PGM2L1: variants seen among roughly 807,000 people sequenced by gnomAD.
The protein encoded by PGM2L1 is glucose 1,6-bisphosphate synthase.
Under a neutral mutation model 73.4 loss-of-function variants are expected in PGM2L1, and 35 were observed. The observed-to-expected ratio is 0.48, with a 90% CI of 0.36 to 0.63. The LOEUF is 0.63. Among genes scored for constraint, PGM2L1 ranks in the 30% least tolerant of loss-of-function variants. The pLI is 0.00. For missense variants in PGM2L1, 570 were observed against 742.0 expected, an observed-to-expected ratio of 0.77 and a Z score of 2.69; for synonymous variants, 225 against 253.8, an observed-to-expected ratio of 0.89 and a Z score of 1.08.
chr11:74,339,796 C>G (rs1388650534), intron 12 of PGM2L1, among the ~76,000 whole-genome samples: 1 of 152,152 alleles, frequency 6.6e-6, no homozygotes, highest in African/African-American at 2.4e-5. Flanking sequence ...AGAGAATATG[C>G]TTTTTCATCT....
intron 1 of PGM2L1, among the ~76,000 whole-genome samples, chr11:74,385,554 TA>T (rs937703398): frequency 4.6e-5 from 7 of 152,160 alleles, no homozygotes; most frequent in African/African-American, 1.7e-4. Flanking sequence ...GGAAGTTGCC[TA>T]TTTGGGATAC....
chr11:74,362,242 T>A (rs1292745525), intron 5 of PGM2L1, among the ~76,000 whole-genome samples: 1 of 152,148 alleles, frequency 6.6e-6, no homozygotes, highest in East Asian at 1.9e-4. Flanking sequence ...GGGGCCAATA[T>A]TCAACATTCT....
intron 1 of PGM2L1, among the ~76,000 whole-genome samples, chr11:74,375,487 C>T (rs1862841203): frequency 6.6e-6 from 1 of 152,136 alleles, no homozygotes; most frequent in Admixed American, 6.5e-5. Flanking sequence ...AACATAACTT[C>T]TCTCTTCAAG....
Position 74,346,835 on chromosome 11 carries a change from A to T in PGM2L1, c.940-6T>A, listed in dbSNP as rs775086292. 6.2e-7 allele frequency: 1 copy of T among 1,607,180 alleles called. No individual in the cohort carries two copies. Among genetic ancestry groups the T allele is most frequent in the Non-Finnish European group, 8.5e-7 (1 of 1,173,660 alleles). ...GCCAGTCTCAAGGAAAGTTCCTGAA[A>T]CAGTGACCCAAAAAGCTGGATTGTA... On this transcript the variant is annotated splice_region_variant and splice_polypyrimidine_tract_variant and intron_variant, in intron 7 of 13. Coordinates refer to ENST00000298198, the MANE Select transcript of PGM2L1 (RefSeq NM_173582.6).
At chr11:74,366,188 A>G (rs925837338) in intron 5 of PGM2L1, among the ~76,000 whole-genome samples, 3 of 151,750 alleles carry the variant, frequency 2.0e-5, no homozygotes, top group Non-Finnish European at 2.9e-5. Flanking sequence ...CAGGAAGGGG[A>G]ACATCACACA....
chr11:74,375,529 T>A (rs955792714), intron 1 of PGM2L1, among the ~76,000 whole-genome samples: 1 of 152,200 alleles, frequency 6.6e-6, no homozygotes, highest in Non-Finnish European at 1.5e-5. Context: ...TCTATTTGCT[T>A]CTTCAACATC....
intron 5 of PGM2L1, among the ~76,000 whole-genome samples, chr11:74,360,815 T>C (rs2134913005): frequency 6.6e-6 from 1 of 152,138 alleles, no homozygotes; most frequent in East Asian, 1.9e-4. Context: ...AGCACAGCAG[T>C]CTGAGATAGA....
At chr11:74,386,807 C>G (rs963139005) in intron 1 of PGM2L1, among the ~76,000 whole-genome samples, 3 of 151,986 alleles carry the variant, frequency 2.0e-5, no homozygotes, top group Non-Finnish European at 2.9e-5. Context: ...AAGTGAAAAA[C>G]AAAATGATAT....
chr11:74,361,150 G>A (rs1256146536), intron 5 of PGM2L1, among the ~76,000 whole-genome samples: 1 of 152,172 alleles, frequency 6.6e-6, no homozygotes, highest in African/African-American at 2.4e-5. Flanking sequence ...GCACCCCCCA[G>A]TAGGGGCAGA....
At chr11:74,357,127 G>A (rs1044905385) in intron 5 of PGM2L1, among the ~76,000 whole-genome samples, 1 of 152,110 alleles carries the variant, frequency 6.6e-6, no homozygotes, top group African/African-American at 2.4e-5. Flanking sequence ...GGGATTACAG[G>A]TGTGAGCCAC....
chr11:74,397,059 A>G (rs928814744), intron 1 of PGM2L1, among the ~76,000 whole-genome samples: 3 of 152,234 alleles, frequency 2.0e-5, no homozygotes, highest in Admixed American at 6.5e-5. Flanking sequence ...TAAAGTAAAA[A>G]CAAAACTTTC....
At chr11:74,351,970 A>T (rs1442529863) in intron 5 of PGM2L1, among the ~76,000 whole-genome samples, 145 of 92,966 alleles carry the variant, frequency 1.6e-3, no homozygotes, top group African/African-American at 4.4e-3. Flanking sequence ...TCAAAAAAAA[A>T]AATAAATAAA....
intron 5 of PGM2L1, chr11:74,355,553 CAAAA>C (rs547652950): frequency 0.045 from 5,143 of 113,070 alleles, 136 homozygotes; most frequent in African/African-American, 0.11. Context: ...GACTCCGTCT[CAAAA>C]AAAAAAAAAA....
chr11:74,330,577 C>T lies in PGM2L1; in HGVS notation c.*6075G>A, dbSNP rs750241913. Reference sequence around the variant, plus strand: ...TACCTGGCATATTCAATGAGGCATACAAAGAGTTTATTCTAGCCTAGAACA... The same window carrying T: ...TACCTGGCATATTCAATGAGGCATATAAAGAGTTTATTCTAGCCTAGAACA... On this transcript the variant is annotated 3_prime_UTR_variant, in exon 14 of 14. Coordinates refer to ENST00000298198, the MANE Select transcript of PGM2L1 (RefSeq NM_173582.6). The T allele has an allele frequency of 1.3e-5, 2 of 152,588 alleles. No homozygotes were observed. The highest frequency in any genetic ancestry group is 2.4e-5 in the African/African-American group (1 of 41,438). 9.5% of individuals were successfully genotyped at this position (152,588 alleles called of 1,614,324 possible). A position where few individuals can be genotyped will look rare whatever the true frequency, so the allele number is the denominator to read the frequency against.
At chr11:74,339,769 A>G (rs1344114998) in intron 12 of PGM2L1, among the ~76,000 whole-genome samples, 1 of 152,118 alleles carries the variant, frequency 6.6e-6, no homozygotes, top group Non-Finnish European at 1.5e-5. Flanking sequence ...ATAGACAACT[A>G]CCTGTGGTTC....
chr11:74,347,442 A>G, intron 6 of PGM2L1, 105 bp from the exon 7 acceptor site: 2 of 996,736 alleles, frequency 2.0e-6, no homozygotes, highest in Non-Finnish European at 2.8e-6. Flanking sequence ...AATGTGATTT[A>G]AGCCTTCAGC....
chr11:74,362,017 G>C (rs1294686203), intron 5 of PGM2L1, among the ~76,000 whole-genome samples: 2 of 152,096 alleles, frequency 1.3e-5, no homozygotes, highest in East Asian at 3.9e-4. Flanking sequence ...AGCAAGGCAG[G>C]CCAACATTCA....
intron 4 of PGM2L1, among the ~76,000 whole-genome samples, chr11:74,370,640 A>G (rs1476598285): frequency 1.3e-5 from 2 of 152,214 alleles, no homozygotes; most frequent in Non-Finnish European, 2.9e-5. Flanking sequence ...TGTCTGCCCA[A>G]TGAATCAATT....
intron 4 of PGM2L1, among the ~76,000 whole-genome samples, chr11:74,370,147 T>A (rs1862729917): frequency 6.6e-6 from 1 of 152,334 alleles, no homozygotes; most frequent in South Asian, 2.1e-4. Context: ...ATTTTATCAT[T>A]GTTTTTTCTT....
Sources: gnomAD v4.1 joint callset for allele counts (sites outside exome capture counted in the v4.1 genomes callset) on GRCh38, gnomAD v4.1.1 for gene constraint, MANE v1.5 for transcripts, NCBI Gene and HGNC (gene_info 2026-07-23, HGNC 2026-07-21) for gene names.